The following KCNK1 variants were observed in gnomAD, a reference collection of about 807,000 sequenced individuals.
KCNK1 encodes potassium two pore domain channel subfamily K member 1, also known as potassium channel subfamily K member 1.
In KCNK1, 10 loss-of-function variants were observed where a neutral mutation model predicts 22.2. The ratio of observed to expected loss-of-function variants is 0.45; its 90% CI spans 0.28 to 0.76. KCNK1 has a LOEUF of 0.76. Ranked by LOEUF, KCNK1 falls within the 30% of genes least tolerant of loss-of-function variation. KCNK1 has a pLI of 0.14. For missense variants in KCNK1, 378 were observed against 421.0 expected, an observed-to-expected ratio of 0.90 and a Z score of 0.89; for synonymous variants, 200 against 186.4, an observed-to-expected ratio of 1.07 and a Z score of -0.60.
chr1:233,631,623 C>A, intron 1 of KCNK1: 1 of 249,096 alleles, frequency 4.0e-6, no homozygotes, highest in Non-Finnish European at 8.0e-6. Context: ...AAAAATGTGG[C>A]GTGTGTCAGG....
chr1:233,658,631 C>T (rs936367096), intron 1 of KCNK1, among the ~76,000 whole-genome samples: 2 of 152,166 alleles, frequency 1.3e-5, no homozygotes, highest in Non-Finnish European at 2.9e-5. Flanking sequence ...GTGTTTTTGT[C>T]ATTGTGTGAA....
chr1:233,660,677 C>A (rs981702472), intron 1 of KCNK1: 1 of 152,226 alleles, frequency 6.6e-6, no homozygotes, highest in Non-Finnish European at 1.5e-5. Context: ...GTGAGTTGCA[C>A]GGTCCTTTGT....
intron 1 of KCNK1, among the ~76,000 whole-genome samples, chr1:233,633,202 A>G (rs1041392211): frequency 1.3e-4 from 19 of 150,492 alleles, no homozygotes; most frequent in Non-Finnish European, 2.4e-4. Context: ...TGAGAAATCT[A>G]TCCCATACTA....
Position 233,614,322 on chromosome 1 carries a change from C to A in KCNK1, c.151C>A (p.Leu51Met), listed in dbSNP as rs1229725500. 1 of 1,612,246 alleles carries A rather than the reference C, an allele frequency of 6.2e-7. No homozygotes were observed. The highest frequency in any genetic ancestry group is 8.5e-7 in the Non-Finnish European group (1 of 1,179,332). The change falls in exon 1 of 3, where the codon CTG (leucine) becomes ATG (methionine). Residue 51 changes from leucine (L) to methionine (M), a missense_variant. Leu to Met is a conservative substitution (Grantham distance 15). Coordinates refer to ENST00000366621, the MANE Select transcript of KCNK1 (RefSeq NM_002245.4). ...CTCGGTGGAGCTGCCCTATGAGGAC[C>A]TGCTGCGCCAGGAGCTGCGCAAGCT... ...FSSVELPYED[L>M]LRQELRKLKR...
At chr1:233,667,030 T>C (rs753370283) in intron 2 of KCNK1, 40 bp downstream of exon 2, 26 of 1,354,298 alleles carry the variant, frequency 1.9e-5, no homozygotes, top group Non-Finnish European at 2.4e-5. Flanking sequence ...TCTGTCTCCT[T>C]TATTTTATTT....
At chr1:233,654,418 T>C (rs1392665793) in intron 1 of KCNK1, among the ~76,000 whole-genome samples, 1 of 152,198 alleles carries the variant, frequency 6.6e-6, no homozygotes, top group Admixed American at 6.5e-5. Flanking sequence ...ATTCTAGTGT[T>C]TTGCAGAAGG....
At chr1:233,660,212 A>G (rs1201405607) in intron 1 of KCNK1, among the ~76,000 whole-genome samples, 1 of 152,170 alleles carries the variant, frequency 6.6e-6, no homozygotes, top group Non-Finnish European at 1.5e-5. Flanking sequence ...TATTTACGTT[A>G]ATGTCTTTAG....
Position 233,627,762 on chromosome 1 carries a change from C to A in KCNK1, c.355+13236C>A, listed in dbSNP as rs550419874. On this transcript the variant is annotated intron_variant, in intron 1 of 2. Coordinates refer to ENST00000366621, the MANE Select transcript of KCNK1 (RefSeq NM_002245.4). ...TGCAGAGCAGCTGATGTTTGAAAAT[C>A]CAACCAACCAAGATGGAATAAGGAA... Among the ~76,000 whole-genome samples the A allele has an allele frequency of 2.6e-5, 4 of 152,244 alleles. No individual in the cohort carries two copies. In the East Asian group the frequency reaches 7.7e-4, roughly 29 times the overall value.
At position 233,671,330 on chromosome 1, in the gene KCNK1, C is replaced by T. The variant is rs770054172; in HGVS notation, c.811C>T (p.His271Tyr). Residue 271 changes from histidine (H) to tyrosine (Y), a missense_variant, in exon 3 of 3, where the codon CAT (histidine) becomes TAT (tyrosine). His to Tyr is a moderately conservative substitution (Grantham distance 83). Coordinates refer to ENST00000366621, the MANE Select transcript of KCNK1 (RefSeq NM_002245.4). ...AGTTCTGGAAACCTTCTGTGAACTC[C>T]ATGAGCTGAAAAAATTCAGAAAAAT... The part of the protein sequence containing the change: ...LVVLETFCEL[H>Y]ELKKFRKMFY... The T allele has an allele frequency of 2.5e-6, 4 of 1,614,176 alleles. No individual in the cohort carries two copies. The highest frequency in any genetic ancestry group is 2.2e-5 in the East Asian group (1 of 44,880).
At chr1:233,645,142 G>A (rs1025094971) in intron 1 of KCNK1, among the ~76,000 whole-genome samples, 110 of 151,500 alleles carry the variant, frequency 7.3e-4, no homozygotes, top group African/African-American at 2.3e-3. Context: ...TGCAGTGAGC[G>A]GAGATCATGC....
At chr1:233,659,094 G>C (rs888568648) in intron 1 of KCNK1, among the ~76,000 whole-genome samples, 1 of 151,380 alleles carries the variant, frequency 6.6e-6, no homozygotes, top group South Asian at 2.1e-4. Context: ...TGATTCTTTT[G>C]TGATAACGTT....
intron 1 of KCNK1, among the ~76,000 whole-genome samples, chr1:233,617,056 T>A (rs1377392409): frequency 6.6e-6 from 1 of 152,132 alleles, no homozygotes; most frequent in Non-Finnish European, 1.5e-5. Flanking sequence ...CTTTTTTTTT[T>A]TCTTTTCTTA....
chr1:233,632,977 T>C (rs1348023619), intron 1 of KCNK1, among the ~76,000 whole-genome samples: 1 of 152,050 alleles, frequency 6.6e-6, no homozygotes, highest in Non-Finnish European at 1.5e-5. Context: ...CTCAGTGTCT[T>C]GTGTCTGCCT....
At chr1:233,648,387 C>T (rs77835627) in intron 1 of KCNK1, among the ~76,000 whole-genome samples, 2,681 of 152,308 alleles carry the variant, frequency 0.018, 77 homozygotes, top group East Asian at 0.14. Flanking sequence ...CAGCTGTCAA[C>T]TGTCTGAATC....
At chr1:233,655,028 C>A (rs933522319) in intron 1 of KCNK1, among the ~76,000 whole-genome samples, 1 of 152,122 alleles carries the variant, frequency 6.6e-6, no homozygotes, top group African/African-American at 2.4e-5. Flanking sequence ...GTCATAGACA[C>A]GATTCTAGCT....
rs930751525 is a variant in KCNK1, at chr1:233,672,395, C to G, written c.*865C>G. The G allele has an allele frequency of 2.0e-5, 3 of 151,460 alleles. No homozygotes were observed. The highest frequency in any genetic ancestry group is 4.4e-5 in the Non-Finnish European group (3 of 67,876). 9.4% of individuals were successfully genotyped at this position (151,460 alleles called of 1,614,324 possible). ...TTTGAAAGTACATTGTGATTTGCAG[C>G]CACCTAGCACTAAAGCATAGAACTT... On this transcript the variant is annotated 3_prime_UTR_variant, in exon 3 of 3. Transcript: ENST00000366621.
chr1:233,653,696 G>A (rs1658238481), intron 1 of KCNK1, among the ~76,000 whole-genome samples: 1 of 152,054 alleles, frequency 6.6e-6, no homozygotes, highest in South Asian at 2.1e-4. Context: ...ATGGTTCTCA[G>A]GCCTTCAAAC....
In KCNK1 at chr1:233,614,131, G is replaced by C; in HGVS notation, c.-41G>C. ...AGAAGAGGCGGCGGGCCGCGCTCCG[G>C]CCGGTCTGCGGCGTTGGCCTTGGCG... On this transcript the variant is annotated 5_prime_UTR_variant, in exon 1 of 3. Coordinates refer to ENST00000366621, the MANE Select transcript of KCNK1 (RefSeq NM_002245.4). The C allele has an allele frequency of 8.0e-7, 1 of 1,252,072 alleles. No individual in the cohort carries two copies. The highest frequency in any genetic ancestry group is 1.0e-6 in the Non-Finnish European group (1 of 973,978). 77.6% of individuals were successfully genotyped at this position (1,252,072 alleles called of 1,614,324 possible).
chr1:233,655,175 T>C (rs989953517), intron 1 of KCNK1, among the ~76,000 whole-genome samples: 5 of 152,228 alleles, frequency 3.3e-5, no homozygotes, highest in Non-Finnish European at 7.3e-5. Context: ...GACAAAATTT[T>C]GGACTTTGCT....
Sources: allele counts gnomAD v4.1 joint callset (sites outside exome capture counted in the v4.1 genomes callset), GRCh38; gene constraint gnomAD v4.1.1; transcripts MANE v1.5; gene names NCBI Gene and HGNC (gene_info 2026-07-23, HGNC 2026-07-21).